The following HEATR5A variants were observed in gnomAD, a reference collection of about 807,000 sequenced individuals.
HEATR5A encodes HEAT repeat-containing protein 5A.
A neutral mutation model predicts 218.8 loss-of-function variants in HEATR5A; 178 were observed. That is an observed-to-expected ratio of 0.81 (90% CI 0.72 to 0.92). The LOEUF is 0.92. Ranked by LOEUF, HEATR5A falls within the 40% of genes least tolerant of loss-of-function variation. HEATR5A has a pLI of 0.00. For missense variants in HEATR5A, 2,420 were observed against 2,418.9 expected, an observed-to-expected ratio of 1.00 and a Z score of -0.01; for synonymous variants, 864 against 871.6, an observed-to-expected ratio of 0.99 and a Z score of 0.15.
intron 2 of HEATR5A, 90 bp from the exon 3 acceptor site, chr14:31,400,602 C>T: frequency 1.2e-6 from 1 of 836,706 alleles, no homozygotes; most frequent in African/African-American, 1.7e-5. Flanking sequence ...TATTTAAGAA[C>T]TAAAAAGGCT....
intron 18 of HEATR5A, 96 bp from the exon 19 acceptor site, chr14:31,348,003 T>C: frequency 1.4e-6 from 1 of 702,074 alleles, no homozygotes; most frequent in South Asian, 5.1e-5. Context: ...CAAAACTTTT[T>C]ATATGGATAG....
chr14:31,336,489 C>T (rs1221950744), intron 22 of HEATR5A, among the ~76,000 whole-genome samples: 1 of 151,716 alleles, frequency 6.6e-6, no homozygotes, highest in South Asian at 2.1e-4. Flanking sequence ...CATACCTGGC[C>T]TATTATTACT....
At chr14:31,418,742 A>G (rs1008701320) in intron 1 of HEATR5A, among the ~76,000 whole-genome samples, 1 of 152,176 alleles carries the variant, frequency 6.6e-6, no homozygotes, top group Admixed American at 6.5e-5. Context: ...ACCACACAAG[A>G]CTCAATAGAG....
At chr14:31,399,492 T>C (rs2030789052) in intron 3 of HEATR5A, among the ~76,000 whole-genome samples, 1 of 152,196 alleles carries the variant, frequency 6.6e-6, no homozygotes, top group South Asian at 2.1e-4. Flanking sequence ...GGGGAATACA[T>C]TCTGTTATAA....
At chr14:31,371,322 AT>A (rs1175222755) in intron 13 of HEATR5A, among the ~76,000 whole-genome samples, 3 of 152,208 alleles carry the variant, frequency 2.0e-5, no homozygotes, top group African/African-American at 2.4e-5. Flanking sequence ...TATTTTCTGT[AT>A]ATATAAAGTG....
rs751390074 is a variant in HEATR5A, at chr14:31,388,899, A to T, written c.879T>A (p.Asp293Glu). 1 of 1,613,900 alleles carries T rather than the reference A, an allele frequency of 6.2e-7. No individual in the cohort carries two copies. The highest frequency in any genetic ancestry group is 1.7e-5 in the Admixed American group (1 of 60,020). The change falls in exon 7 of 36, where the codon GAT (aspartate) becomes GAA (glutamate). Residue 293 changes from aspartate to glutamate, a missense_variant. Coordinates refer to ENST00000543095, the MANE Select transcript of HEATR5A (RefSeq NM_015473.4). ...TGACTGAACTGGTTCCTTTCAGCAT[A>T]TCTCCACTGGCTCGAAGGAATCCTG... ...GSSGFLRASG[D>E]MLKGTSSVSR...
intron 1 of HEATR5A, among the ~76,000 whole-genome samples, chr14:31,419,638 T>C (rs2031573992): frequency 6.6e-6 from 1 of 152,236 alleles, no homozygotes; most frequent in Non-Finnish European, 1.5e-5. Context: ...TGGATAACTA[T>C]GACCTTTAAT....
At chr14:31,367,516 C>T (rs1901846889) in intron 13 of HEATR5A, among the ~76,000 whole-genome samples, 1 of 151,404 alleles carries the variant, frequency 6.6e-6, no homozygotes, top group African/African-American at 2.4e-5. Flanking sequence ...TCTCCTGCCT[C>T]CACCTCCTGA....
At chr14:31,324,305 A>C (rs1900196739) in intron 23 of HEATR5A, among the ~76,000 whole-genome samples, 1 of 152,218 alleles carries the variant, frequency 6.6e-6, no homozygotes, top group South Asian at 2.1e-4. Flanking sequence ...CTACCATTAC[A>C]GTATCAAAGG....
At chr14:31,377,125 T>TA (rs35859115) in intron 11 of HEATR5A, among the ~76,000 whole-genome samples, 2,465 of 125,488 alleles carry the variant, frequency 0.02, 116 homozygotes, top group Admixed American at 0.1. Flanking sequence ...CCCTGTCTCT[T>TA]AAAAAAAAAA....
intron 13 of HEATR5A, among the ~76,000 whole-genome samples, chr14:31,369,097 G>C (rs1901919505): frequency 6.6e-6 from 1 of 151,514 alleles, no homozygotes. Flanking sequence ...GGAAATTTGA[G>C]ACCAGTCTAG....
chr14:31,335,627 T>G (rs908369455), intron 22 of HEATR5A, among the ~76,000 whole-genome samples: 1 of 152,186 alleles, frequency 6.6e-6, no homozygotes, highest in Non-Finnish European at 1.5e-5. Context: ...AAAAGTATGA[T>G]GGTACTTTGA....
intron 1 of HEATR5A, among the ~76,000 whole-genome samples, chr14:31,406,514 G>C (rs1376199633): frequency 1.3e-5 from 2 of 152,176 alleles, no homozygotes; most frequent in African/African-American, 2.4e-5. Context: ...TTTTACAGAT[G>C]AGGACATTGA....
intron 25 of HEATR5A, among the ~76,000 whole-genome samples, chr14:31,319,906 C>T (rs1900034592): frequency 1.3e-5 from 2 of 151,924 alleles, no homozygotes; most frequent in South Asian, 2.1e-4. Flanking sequence ...ATTAGCCGAG[C>T]GTGGTGGCGT....
At chr14:31,335,331 C>G (rs1900616768) in intron 22 of HEATR5A, among the ~76,000 whole-genome samples, 1 of 151,938 alleles carries the variant, frequency 6.6e-6, no homozygotes, top group Admixed American at 6.6e-5. Flanking sequence ...CTGATTAATT[C>G]AAGTTGAAGC....
Position 31,402,850 on chromosome 14 carries a change from C to A in HEATR5A, c.126G>T (p.Arg42Ser). Residue 42 changes from arginine to serine, a missense_variant and splice_region_variant, in exon 2 of 36, where the codon AGG becomes AGT. Transcript: ENST00000543095. ...AAACAGATGTTGTCATTTTACCCAC[C>A]CTGCTGGTTGCCAACAAGAGCTTCT... The part of the protein sequence containing the change: ...YLEKLLLATS[R>S]NDVREKQKTL... The A allele has an allele frequency of 6.5e-7, 1 of 1,536,458 alleles. No individual in the cohort carries two copies. Among genetic ancestry groups the A allele is most frequent in the Non-Finnish European group, 8.7e-7 (1 of 1,146,910 alleles).
chr14:31,292,497 G>A lies in HEATR5A; in HGVS notation c.*808C>T, dbSNP rs1218162418. Reference sequence around the variant, plus strand: ...TACTATTGTATACTGGATAATCCTAGACCAGGTTTCCTAAATAGCTCTCCA... The same window carrying A: ...TACTATTGTATACTGGATAATCCTAAACCAGGTTTCCTAAATAGCTCTCCA... On this transcript the variant is annotated 3_prime_UTR_variant, in exon 36 of 36. Transcript: ENST00000543095. The A allele has an allele frequency of 1.3e-5, 2 of 152,088 alleles. No homozygotes were observed. The highest frequency in any genetic ancestry group is 6.6e-5 in the Admixed American group (1 of 15,260). 9.4% of individuals were successfully genotyped at this position (152,088 alleles called of 1,614,324 possible).
intron 13 of HEATR5A, among the ~76,000 whole-genome samples, chr14:31,369,512 G>A (rs1210566913): frequency 2.9e-5 from 4 of 138,718 alleles, no homozygotes; most frequent in East Asian, 2.2e-4. Context: ...TGGGGAGACC[G>A]AAGCAGGAGA....
At chr14:31,368,101 G>C (rs1901872497) in intron 13 of HEATR5A, among the ~76,000 whole-genome samples, 1 of 152,112 alleles carries the variant, frequency 6.6e-6, no homozygotes, top group Admixed American at 6.6e-5. Context: ...TAGGTGTTCA[G>C]GTCGTGAAGG....
Sources: allele counts gnomAD v4.1 joint callset (sites outside exome capture counted in the v4.1 genomes callset), GRCh38; gene constraint gnomAD v4.1.1; transcripts MANE v1.5; gene names NCBI Gene and HGNC (gene_info 2026-07-23, HGNC 2026-07-21).